NBAS: variants seen among roughly 807,000 people sequenced by gnomAD.
NBAS encodes the protein NAG/BC035112 fusion.
NBAS carries 219 observed loss-of-function variants against 302.5 expected under a neutral mutation model. That is an observed-to-expected ratio of 0.72 (90% CI 0.65 to 0.81). The LOEUF is 0.81. Ranked by LOEUF, NBAS falls within the 30% of genes least tolerant of loss-of-function variation. The pLI, the probability that NBAS is intolerant of heterozygous loss-of-function variation, is 0.00. For missense variants in NBAS, 2,932 were observed against 2,841.6 expected (o/e 1.03, Z -0.72); for synonymous variants, 1,118 against 1,021.6 (o/e 1.09, Z -1.80).
At chr2:15,518,125 AGG>A (rs200130074) in intron 9 of NBAS, among the ~76,000 whole-genome samples, 8 of 89,910 alleles carry the variant, frequency 8.9e-5, no homozygotes, top group African/African-American at 3.3e-4. Context: ...AATGAAGTCT[AGG>A]GGAAAAAAAA....
At chr2:14,972,583 C>A in the NBAS span, among the ~76,000 whole-genome samples, 9 of 152,260 alleles carry the variant, frequency 5.9e-5, no homozygotes, top group East Asian at 1.2e-3. Context: ...AACATTTTCA[C>A]ATGTGGTATT....
chr2:14,857,202 TG>T, the NBAS span, among the ~76,000 whole-genome samples: 1 of 152,116 alleles, frequency 6.6e-6, no homozygotes, highest in Non-Finnish European at 1.5e-5. Context: ...AAATAGTCCA[TG>T]TTCATGAATT....
chr2:14,874,674 G>A, the NBAS span, among the ~76,000 whole-genome samples: 2 of 143,604 alleles, frequency 1.4e-5, no homozygotes, highest in African/African-American at 5.6e-5. Flanking sequence ...ATTATAAGAA[G>A]CAAAAACCAC....
intron 32 of NBAS, among the ~76,000 whole-genome samples, chr2:15,363,258 G>A (rs879378283): frequency 2.6e-5 from 4 of 152,146 alleles, no homozygotes; most frequent in Admixed American, 6.6e-5. Flanking sequence ...TCCTGGTAAT[G>A]AAGTCTTTAA....
chr2:15,405,799 G>A (rs1175639583), intron 25 of NBAS, among the ~76,000 whole-genome samples: 1 of 152,002 alleles, frequency 6.6e-6, no homozygotes, highest in Non-Finnish European at 1.5e-5. Context: ...ATAGTTAGAG[G>A]AAATGAAGGT....
chr2:15,480,175 C>A (rs1680369163), intron 12 of NBAS, among the ~76,000 whole-genome samples: 1 of 151,734 alleles, frequency 6.6e-6, no homozygotes, highest in African/African-American at 2.4e-5. Context: ...CCTCATCTCC[C>A]CAAAAAATAA....
intron 21 of NBAS, among the ~76,000 whole-genome samples, chr2:15,433,441 A>G (rs1677857964): frequency 6.6e-6 from 1 of 152,240 alleles, no homozygotes; most frequent in Admixed American, 6.5e-5. Context: ...TAGTGAATAC[A>G]AGATATATAT....
chr2:14,858,509 G>A, the NBAS span, among the ~76,000 whole-genome samples: 3 of 152,030 alleles, frequency 2.0e-5, no homozygotes, highest in African/African-American at 7.2e-5. Context: ...TCACTTTTAT[G>A]TCTCTTGAAT....
the NBAS span, among the ~76,000 whole-genome samples, chr2:15,028,534 A>T: frequency 6.6e-6 from 1 of 152,342 alleles, no homozygotes; most frequent in South Asian, 2.1e-4. Flanking sequence ...GAACAATTTT[A>T]CTTCATTGTA....
At chr2:15,395,453 G>A (rs1246816901) in intron 27 of NBAS, among the ~76,000 whole-genome samples, 2 of 152,036 alleles carry the variant, frequency 1.3e-5, no homozygotes, top group Non-Finnish European at 2.9e-5. Context: ...CATTTTTCAA[G>A]AAATACAACT....
chr2:15,407,814 G>C (rs1026505246), intron 25 of NBAS, among the ~76,000 whole-genome samples: 7 of 152,108 alleles, frequency 4.6e-5, no homozygotes, highest in African/African-American at 1.7e-4. Flanking sequence ...TCCTCTTACA[G>C]TTCTGTAGGT....
intron 51 of NBAS, among the ~76,000 whole-genome samples, chr2:15,172,730 T>C (rs2125104984): frequency 6.6e-6 from 1 of 152,350 alleles, no homozygotes; most frequent in South Asian, 2.1e-4. Flanking sequence ...GGATGCGGTT[T>C]GGATGTGAGA....
chr2:15,398,856 T>C (rs1356286832), intron 26 of NBAS, among the ~76,000 whole-genome samples: 1 of 152,130 alleles, frequency 6.6e-6, no homozygotes, highest in African/African-American at 2.4e-5. Context: ...AAGAAATAAA[T>C]GGAGTAACAA....
chr2:14,813,745 A>G, the NBAS span, among the ~76,000 whole-genome samples: 2 of 152,250 alleles, frequency 1.3e-5, no homozygotes, highest in African/African-American at 4.8e-5. Context: ...TTTTCCAGGA[A>G]GAAATTCAAG....
At chr2:15,117,730 C>T in the NBAS span, among the ~76,000 whole-genome samples, 1 of 152,196 alleles carries the variant, frequency 6.6e-6, no homozygotes, top group Non-Finnish European at 1.5e-5. Context: ...TCTTCCCATC[C>T]TTTGGAGCTG....
chr2:15,527,687 AAT>A (rs1193745995), intron 9 of NBAS, among the ~76,000 whole-genome samples: 1 of 152,204 alleles, frequency 6.6e-6, no homozygotes, highest in African/African-American at 2.4e-5. Context: ...ATTAAGTTTT[AAT>A]ACATGGATTT....
the NBAS span, among the ~76,000 whole-genome samples, chr2:14,974,855 T>C: frequency 3.0e-3 from 459 of 152,312 alleles, 2 homozygotes; most frequent in African/African-American, 0.01. Flanking sequence ...GGGATAGTTG[T>C]CTGGATGGAT....
chr2:15,352,030 T>C lies in NBAS; in HGVS notation c.4141A>G (p.Ile1381Val), dbSNP rs1469423287. Residue 1381 changes from isoleucine to valine, a missense_variant, in exon 35 of 52, where the codon ATC (isoleucine) becomes GTC (valine). Coordinates refer to ENST00000281513, the MANE Select transcript of NBAS (RefSeq NM_015909.4). ...TTACTAGTTAATGGTGAAGCACTGA[T>C]ATTTTCCCCTCCTTCATGATGGATC... The part of the protein sequence containing the change: ...FQIHHEGGEN[I>V]SASPLTSKAV... 3 of 1,612,344 alleles carry C rather than the reference T, an allele frequency of 1.9e-6. No homozygotes were observed. The highest frequency in any genetic ancestry group is 2.5e-6 in the Non-Finnish European group (3 of 1,178,568).
chr2:15,472,992 G>C (rs1193876891), intron 16 of NBAS, among the ~76,000 whole-genome samples: 1 of 152,222 alleles, frequency 6.6e-6, no homozygotes, highest in African/African-American at 2.4e-5. Context: ...AGACCAAGTA[G>C]TTAGCTGGTT....
Sources: allele counts gnomAD v4.1 joint callset (sites outside exome capture counted in the v4.1 genomes callset), GRCh38; gene constraint gnomAD v4.1.1; transcripts MANE v1.5; gene names NCBI Gene and HGNC (gene_info 2026-07-23, HGNC 2026-07-21).